The following C2CD4A variants were observed in gnomAD, a reference collection of about 807,000 sequenced individuals.
C2CD4A encodes C2 calcium-dependent domain-containing protein 4A.
In C2CD4A, 2 loss-of-function variants were observed where a neutral mutation model predicts 0.4. The observed-to-expected ratio is 4.45, with a 90% CI of 1.82 to 13.99. The LOEUF (loss-of-function observed/expected upper bound fraction) is 13.99, where lower values mean the gene tolerates loss of function less well. Ranked by LOEUF, C2CD4A falls within the 30% of genes most tolerant of loss-of-function variation. C2CD4A has a pLI of 0.04. For synonymous variants in C2CD4A, 297 were observed against 280.8 expected, an observed-to-expected ratio of 1.06 and a Z score of -0.58; for missense variants, 610 against 574.2, an observed-to-expected ratio of 1.06 and a Z score of -0.64.
At position 62,067,786 on chromosome 15, in the gene C2CD4A, G is replaced by T; in HGVS notation, c.173G>T (p.Arg58Leu). 1 of 1,612,874 alleles carries T rather than the reference G, an allele frequency of 6.2e-7. No individual in the cohort carries two copies. Among genetic ancestry groups the T allele is most frequent in the Non-Finnish European group, 8.5e-7 (1 of 1,179,912 alleles). The change falls in exon 2 of 2, where the codon CGC becomes CTC. Residue 58 changes from arginine (R) to leucine (L), a missense_variant. Transcript: ENST00000355522. Reference sequence around the variant, plus strand: ...TGCATCCCGCCACGGCTCATGCCCCGCCTGGCCTTGGCTGCGCTCCGGAAT... The same window carrying T: ...TGCATCCCGCCACGGCTCATGCCCCTCCTGGCCTTGGCTGCGCTCCGGAAT... ...EFCIPPRLMP[R>L]LALAALRNSW...
In C2CD4A at chr15:62,068,626, C is replaced by A. The variant is rs1416010140; in HGVS notation, c.1013C>A (p.Ala338Asp). ...GLSEDEVRRL[A>D]VRVKARDEGR... ...TCGGAGGACGAAGTGCGCCGCCTGG[C>A]CGTTCGAGTCAAGGCCCGGGACGAG... The change falls in exon 2 of 2, where the codon GCC (alanine) becomes GAC (aspartate). Residue 338 changes from alanine (A) to aspartate (D), a missense_variant. Coordinates refer to ENST00000355522, the MANE Select transcript of C2CD4A (RefSeq NM_207322.3). 1.3e-6 allele frequency: 2 copies of A among 1,557,564 alleles called. No individual in the cohort carries two copies. The highest frequency in any genetic ancestry group is 8.7e-7 in the Non-Finnish European group (1 of 1,150,892).
rs979248439 is a variant in C2CD4A, at chr15:62,070,171, C to CT, written c.*1456dup. On this transcript the variant is annotated 3_prime_UTR_variant, in exon 2 of 2. Transcript: ENST00000355522. ...TTCACTGCCAGCAGGGCATTTTTTTCTTTTTTTTATGCAAATAGGAAAATG... is the reference window on the plus strand; with the variant it reads ...TTCACTGCCAGCAGGGCATTTTTTTCTTTTTTTTTATGCAAATAGGAAAATG... The CT allele has an allele frequency of 7.6e-5, 31 of 408,554 alleles. No homozygotes were observed. Among genetic ancestry groups the CT allele is most frequent in the Non-Finnish European group, 1.1e-4 (25 of 223,968 alleles). 25.3% of individuals were successfully genotyped at this position (408,554 alleles called of 1,614,324 possible).
In C2CD4A at chr15:62,070,221, T is replaced by C; in HGVS notation, c.*1498T>C. 1 of 412,854 alleles carries C rather than the reference T, an allele frequency of 2.4e-6. No individual in the cohort carries two copies. Among genetic ancestry groups the C allele is most frequent in the Non-Finnish European group, 4.4e-6 (1 of 226,036 alleles). The allele number at this position is 412,854 out of a possible 1,614,324, so 25.6% of individuals were successfully genotyped here. A position where few individuals can be genotyped will look rare whatever the true frequency, so the allele number is the denominator to read the frequency against. On this transcript the variant is annotated 3_prime_UTR_variant, in exon 2 of 2. Transcript: ENST00000355522. ...GCATCCTAAATGAGGGTTTAAAAAA[T>C]TGAAAATATTTAAATATACAGGATG...
rs1423704741 is a variant in C2CD4A at position 62,068,288 on chromosome 15, G to A, written c.675G>A (p.Arg225=). The stretch of plus-strand genomic sequence containing the variant: ...GCGCGGGCTCCCAGTCCCCGGCCCG[G>A]GCCCCCTCCACGAGCCCGCCGTCGT... ...ERRAGSQSPA[R]APSTSPPSSR... is the part of the protein sequence containing the mutation. The change falls in exon 2 of 2, where the codon CGG becomes CGA. Residue 225 remains arginine (R), a synonymous_variant. Coordinates refer to ENST00000355522, the MANE Select transcript of C2CD4A (RefSeq NM_207322.3). The A allele has an allele frequency of 1.4e-6, 2 of 1,407,700 alleles. No homozygotes were observed. The highest frequency in any genetic ancestry group is 2.9e-5 in the South Asian group (2 of 68,490). The allele number at this position is 1,407,700 out of a possible 1,614,324, so 87.2% of individuals were successfully genotyped here. A position where few individuals can be genotyped will look rare whatever the true frequency, so the allele number is the denominator to read the frequency against.
Position 62,067,769 on chromosome 15 carries a change from G to C in C2CD4A, c.156G>C (p.Pro52=), listed in dbSNP as rs1052869820. 6.2e-7 allele frequency: 1 copy of C among 1,613,006 alleles called. No individual in the cohort carries two copies. Among genetic ancestry groups the C allele is most frequent in the East Asian group, 2.2e-5 (1 of 44,864 alleles). The part of the protein sequence containing the change: ...TPDRIPEFCI[P]PRLMPRLALA... ...ACCGCATCCCTGAGTTCTGCATCCC[G>C]CCACGGCTCATGCCCCGCCTGGCCT... The change falls in exon 2 of 2, where the codon CCG becomes CCC. Residue 52 remains proline, a synonymous_variant. Transcript: ENST00000355522.
chr15:62,068,291 C>G lies in C2CD4A; in HGVS notation c.678C>G (p.Ala226=). 7.1e-7 allele frequency: 1 copy of G among 1,411,298 alleles called. No homozygotes were observed. The highest frequency in any genetic ancestry group is 9.2e-7 in the Non-Finnish European group (1 of 1,083,466). The allele number at this position is 1,411,298 out of a possible 1,614,324, so 87.4% of individuals were successfully genotyped here. The change falls in exon 2 of 2, where the codon GCC becomes GCG. Residue 226 remains alanine, a synonymous_variant. Transcript: ENST00000355522. ...RRAGSQSPAR[A]PSTSPPSSRV... is the part of the protein sequence containing the mutation. ...CGGGCTCCCAGTCCCCGGCCCGGGCCCCCTCCACGAGCCCGCCGTCGTCCC... is the reference window on the plus strand; with the variant it reads ...CGGGCTCCCAGTCCCCGGCCCGGGCGCCCTCCACGAGCCCGCCGTCGTCCC...
Position 62,070,583 on chromosome 15 carries a change from AAG to A in C2CD4A, c.*1863_*1864del. On this transcript the variant is annotated 3_prime_UTR_variant, in exon 2 of 2. Transcript: ENST00000355522. ...TATACAAAATTCGAAGAAAAAAGAA[AAG>A]AGTTTCTGTTTCAGTCACAAATTAG... 2.4e-6 allele frequency: 1 copy of A among 413,470 alleles called. No individual in the cohort carries two copies. Among genetic ancestry groups the A allele is most frequent in the Non-Finnish European group, 4.4e-6 (1 of 226,106 alleles). 25.6% of individuals were successfully genotyped at this position (413,470 alleles called of 1,614,324 possible).
chr15:62,069,035 A>T lies in C2CD4A; in HGVS notation c.*312A>T. 1 of 331,174 alleles carries T rather than the reference A, an allele frequency of 3.0e-6. No homozygotes were observed. Among genetic ancestry groups the T allele is most frequent in the Non-Finnish European group, 5.7e-6 (1 of 174,522 alleles). 20.5% of individuals were successfully genotyped at this position (331,174 alleles called of 1,614,324 possible). On this transcript the variant is annotated 3_prime_UTR_variant, in exon 2 of 2. Transcript: ENST00000355522. ...GTTAGAACTAGAAAGTGTCTTGGCG[A>T]TCTGTTTGCTCCAATCACCTCATTT...
At position 62,068,208 on chromosome 15, in the gene C2CD4A, C is replaced by T. The variant is rs746346927; in HGVS notation, c.595C>T (p.Arg199Cys). 3.2e-5 allele frequency: 43 copies of T among 1,348,784 alleles called. No individual in the cohort carries two copies. The East Asian group carries it at 3.5e-4, about 11-fold the overall frequency. The allele number at this position is 1,348,784 out of a possible 1,614,324, so 83.6% of individuals were successfully genotyped here. The change falls in exon 2 of 2, where the codon CGC becomes TGC. Residue 199 changes from arginine (R) to cysteine (C), a missense_variant. Arg to Cys is a radical substitution (Grantham distance 180, BLOSUM62 -3). Transcript: ENST00000355522. Reference sequence around the variant, plus strand: ...TCGCGCGCTGCGGGCTGGGAGGAGTCGCCGCCTGACCCGCGTCCGCTCCGT... The same window carrying T: ...TCGCGCGCTGCGGGCTGGGAGGAGTTGCCGCCTGACCCGCGTCCGCTCCGT... ...LSRALRAGRS[R>C]RLTRVRSVSS... is the part of the protein sequence containing the mutation.
rs948786391 is a variant in C2CD4A at position 62,070,463 on chromosome 15, C to A, written c.*1740C>A. 4.8e-6 allele frequency: 2 copies of A among 413,288 alleles called. No homozygotes were observed. The highest frequency in any genetic ancestry group is 2.5e-4 in the South Asian group (2 of 7,852). 25.6% of individuals were successfully genotyped at this position (413,288 alleles called of 1,614,324 possible). On this transcript the variant is annotated 3_prime_UTR_variant, in exon 2 of 2. Transcript: ENST00000355522. ...GATTATAGGCGTGAGCCACCATGCC[C>A]GACCAGTTTCTGCTTTTATTAAAAT...
At position 62,067,725 on chromosome 15, in the gene C2CD4A, G is replaced by C. The variant is rs1217624774; in HGVS notation, c.112G>C (p.Ala38Pro). 6.2e-7 allele frequency: 1 copy of C among 1,611,752 alleles called. No homozygotes were observed. Among genetic ancestry groups the C allele is most frequent in the Non-Finnish European group, 8.5e-7 (1 of 1,179,950 alleles). The change falls in exon 2 of 2, where the codon GCA becomes CCA. Residue 38 changes from alanine to proline, a missense_variant. Transcript: ENST00000355522. ...GAKSRTTAACANVLTPDRIPE... is the reference protein window; with the variant it reads ...GAKSRTTAACPNVLTPDRIPE... ...CAAGTCTCGCACCACCGCCGCGTGC[G>C]CAAATGTGCTCACTCCGGACCGCAT...
Position 62,069,732 on chromosome 15 carries a change from A to G in C2CD4A, c.*1009A>G, listed in dbSNP as rs1250826133. On this transcript the variant is annotated 3_prime_UTR_variant, in exon 2 of 2. Coordinates refer to ENST00000355522, the MANE Select transcript of C2CD4A (RefSeq NM_207322.3). ...CAGAATTTGAACCTAGACAATCAGC[A>G]TTTCACTCATTACTCTTATGTAGGT... 1 of 167,092 alleles carries G rather than the reference A, an allele frequency of 6.0e-6. No individual in the cohort carries two copies. The highest frequency in any genetic ancestry group is 1.5e-5 in the Non-Finnish European group (1 of 68,122). 10.4% of individuals were successfully genotyped at this position (167,092 alleles called of 1,614,324 possible).
In C2CD4A at chr15:62,070,853, G is replaced by C. The variant is rs1195852197; in HGVS notation, c.*2130G>C. On this transcript the variant is annotated 3_prime_UTR_variant, in exon 2 of 2. Transcript: ENST00000355522. ...CTTCATGATTTTGAAATTTTGATAG[G>C]GTAACTGCTAATGAGTTCACAAATG... 4.2e-6 allele frequency: 1 copy of C among 235,504 alleles called. No individual in the cohort carries two copies. Among genetic ancestry groups the C allele is most frequent in the Non-Finnish European group, 8.7e-6 (1 of 115,128 alleles). The allele number at this position is 235,504 out of a possible 1,614,324, so 14.6% of individuals were successfully genotyped here.
Position 62,068,971 on chromosome 15 carries a change from G to A in C2CD4A, c.*248G>A, listed in dbSNP as rs767454572. 1 of 437,556 alleles carries A rather than the reference G, an allele frequency of 2.3e-6. No homozygotes were observed. Among genetic ancestry groups the A allele is most frequent in the Non-Finnish European group, 4.1e-6 (1 of 245,330 alleles). The allele number at this position is 437,556 out of a possible 1,614,324, so 27.1% of individuals were successfully genotyped here. ...ATAGACAGCCATTTGCATACCATAT[G>A]TACCACACACGCCTAGGAAATAATG... On this transcript the variant is annotated 3_prime_UTR_variant, in exon 2 of 2. Coordinates refer to ENST00000355522, the MANE Select transcript of C2CD4A (RefSeq NM_207322.3).
At position 62,068,004 on chromosome 15, in the gene C2CD4A, C is replaced by G. The variant is rs1472549566; in HGVS notation, c.391C>G (p.Arg131Gly). Residue 131 changes from arginine (R) to glycine (G), a missense_variant, in exon 2 of 2, where the codon CGG becomes GGG. By Grantham distance (125) the Arg-to-Gly change is moderately radical. Coordinates refer to ENST00000355522, the MANE Select transcript of C2CD4A (RefSeq NM_207322.3). ...CGGGGGCCCGCCCGCGCCCCGGCCCCGGGCCCACACCTACGGCGGCGGCGG... is the reference window on the plus strand; with the variant it reads ...CGGGGGCCCGCCCGCGCCCCGGCCCGGGGCCCACACCTACGGCGGCGGCGG... ...LLGGPPAPRP[R>G]AHTYGGGGGP... is the part of the protein sequence containing the mutation. 7 of 1,334,012 alleles carry G rather than the reference C, an allele frequency of 5.2e-6. No individual in the cohort carries two copies. Among genetic ancestry groups the G allele is most frequent in the Non-Finnish European group, 5.7e-6 (6 of 1,053,228 alleles). The allele number at this position is 1,334,012 out of a possible 1,614,324, so 82.6% of individuals were successfully genotyped here.
At position 62,067,753 on chromosome 15, in the gene C2CD4A, C is replaced by G. The variant is rs1456399964; in HGVS notation, c.140C>G (p.Pro47Arg). 1.9e-6 allele frequency: 3 copies of G among 1,612,968 alleles called. No individual in the cohort carries two copies. Among genetic ancestry groups the G allele is most frequent in the Non-Finnish European group, 2.5e-6 (3 of 1,179,962 alleles). Residue 47 changes from proline (P) to arginine (R), a missense_variant, in exon 2 of 2, where the codon CCT (proline) becomes CGT (arginine). Pro to Arg is a moderately radical substitution (Grantham distance 103). Transcript: ENST00000355522. Reference sequence around the variant, plus strand: ...AATGTGCTCACTCCGGACCGCATCCCTGAGTTCTGCATCCCGCCACGGCTC... The same window carrying G: ...AATGTGCTCACTCCGGACCGCATCCGTGAGTTCTGCATCCCGCCACGGCTC... ...CANVLTPDRI[P>R]EFCIPPRLMP...
chr15:62,067,731 G>A lies in C2CD4A; in HGVS notation c.118G>A (p.Val40Met), dbSNP rs2049053875. Reference protein sequence around the residue: ...KSRTTAACANVLTPDRIPEFC... With the variant: ...KSRTTAACANMLTPDRIPEFC... ...TCGCACCACCGCCGCGTGCGCAAAT[G>A]TGCTCACTCCGGACCGCATCCCTGA... Residue 40 changes from valine to methionine, a missense_variant, in exon 2 of 2, where the codon GTG becomes ATG. Physicochemically the swap from Val to Met is conservative, Grantham distance 21 (BLOSUM62 1). Transcript: ENST00000355522. The A allele has an allele frequency of 6.2e-7, 1 of 1,612,302 alleles. No individual in the cohort carries two copies. Among genetic ancestry groups the A allele is most frequent in the Non-Finnish European group, 8.5e-7 (1 of 1,179,962 alleles).
intron 1 of C2CD4A, among the ~76,000 whole-genome samples, 152 bp from the exon 2 acceptor site, chr15:62,067,433 T>C (rs574018372): frequency 3.3e-5 from 5 of 152,072 alleles, no homozygotes; most frequent in Admixed American, 1.3e-4. Flanking sequence ...ACTGAAAAAA[T>C]AGTTTGCAAT....
At position 62,068,762 on chromosome 15, in the gene C2CD4A, C is replaced by G; in HGVS notation, c.*39C>G. The G allele has an allele frequency of 7.0e-7, 1 of 1,428,788 alleles. No homozygotes were observed. The highest frequency in any genetic ancestry group is 9.2e-7 in the Non-Finnish European group (1 of 1,088,184). The allele number at this position is 1,428,788 out of a possible 1,614,324, so 88.5% of individuals were successfully genotyped here. On this transcript the variant is annotated 3_prime_UTR_variant, in exon 2 of 2. Transcript: ENST00000355522. Reference sequence around the variant, plus strand: ...CCCGGGGCGCTCTGCCCGGGGGACTCCGGACACTGACAGCCGCGTGGTACA... The same window carrying G: ...CCCGGGGCGCTCTGCCCGGGGGACTGCGGACACTGACAGCCGCGTGGTACA...
Sources: allele counts gnomAD v4.1 joint callset (sites outside exome capture counted in the v4.1 genomes callset), GRCh38; gene constraint gnomAD v4.1.1; transcripts MANE v1.5; gene names NCBI Gene and HGNC (gene_info 2026-07-23, HGNC 2026-07-21).